The following ERBIN variants were observed in gnomAD, a reference collection of about 807,000 sequenced individuals.
ERBIN encodes the protein erbb2 interacting protein.
In ERBIN, 60 loss-of-function variants were observed where a neutral mutation model predicts 158.4. The observed-to-expected ratio is 0.38, with a 90% CI of 0.31 to 0.47. The LOEUF is 0.47. Ranked by LOEUF, ERBIN falls within the 20% of genes least tolerant of loss-of-function variation. The pLI, the probability that ERBIN is intolerant of heterozygous loss-of-function variation, is 0.99. For missense variants in ERBIN, 1,610 were observed against 1,648.0 expected (o/e 0.98, Z 0.40); for synonymous variants, 594 against 557.2 (o/e 1.07, Z -0.93).
At chr5:66,044,719 C>T (rs9764142) in intron 17 of ERBIN, among the ~76,000 whole-genome samples, 1,801 of 151,616 alleles carry the variant, frequency 0.012, 38 homozygotes, top group African/African-American at 0.042. Context: ...GAGCCGAGAT[C>T]GTACCACTGT....
At chr5:66,063,634 C>T (rs947474553) in intron 21 of ERBIN, among the ~76,000 whole-genome samples, 9 of 152,196 alleles carry the variant, frequency 5.9e-5, no homozygotes, top group African/African-American at 1.7e-4. Context: ...GCGTCGCTCA[C>T]GCTGGGAGCT....
In ERBIN at chr5:66,081,131, ACTGT is replaced by A. The variant is rs1177908578; in HGVS notation, c.*2604_*2607del. Reference sequence around the variant, plus strand: ...TATATAGCAATTCATCAAAACCACAACTGTCTTTTAGTGATTTTGTCTTTAAGAG... The same window carrying A: ...TATATAGCAATTCATCAAAACCACAACTTTTAGTGATTTTGTCTTTAAGAG... On this transcript the variant is annotated 3_prime_UTR_variant, in exon 26 of 26. Transcript: ENST00000284037. The A allele has an allele frequency of 6.6e-6, 1 of 151,868 alleles. No individual in the cohort carries two copies. Among genetic ancestry groups the A allele is most frequent in the East Asian group, 1.9e-4 (1 of 5,198 alleles). 9.4% of individuals were successfully genotyped at this position (151,868 alleles called of 1,614,324 possible). A position where few individuals can be genotyped will look rare whatever the true frequency, so the allele number is the denominator to read the frequency against.
intron 5 of ERBIN, among the ~76,000 whole-genome samples, chr5:66,012,337 A>T (rs759655450): frequency 5.3e-5 from 8 of 152,170 alleles, no homozygotes; most frequent in Non-Finnish European, 1.0e-4. Context: ...AGATAGTGAG[A>T]GTGTTTTGCT....
rs1554058876 is a variant in ERBIN, at chr5:66,018,567, T to TATATATTA, written c.534-2755_534-2754insATATATTA. 5.5e-3 allele frequency among the ~76,000 whole-genome samples: 55 copies of TATATATTA among 9,920 alleles called. 18 individuals carry two copies. The highest frequency in any genetic ancestry group is 0.012 in the Non-Finnish European group (43 of 3,448). The allele number at this position is 9,920 out of a possible 152,430, so 6.5% of individuals were successfully genotyped here. A position where few individuals can be genotyped will look rare whatever the true frequency, so the allele number is the denominator to read the frequency against. ...TATATTATATATTATATAATATATA[T>TATATATTA]TATATTATATAATATATATTATATA... On this transcript the variant is annotated intron_variant, in intron 7 of 25. Coordinates refer to ENST00000284037, the MANE Select transcript of ERBIN (RefSeq NM_001253697.2).
chr5:65,935,063 G>A (rs1283769256), intron 1 of ERBIN, among the ~76,000 whole-genome samples: 1 of 151,998 alleles, frequency 6.6e-6, no homozygotes, highest in Non-Finnish European at 1.5e-5. Context: ...TTAGGGTATT[G>A]TTACTCTCAG....
At chr5:66,014,628 T>G in intron 6 of ERBIN, 41 bp from the exon 7 acceptor site, 1 of 931,666 alleles carries the variant, frequency 1.1e-6, no homozygotes, top group Non-Finnish European at 1.6e-6. Flanking sequence ...TTAAATTCAT[T>G]GTCTTTGTCC....
At chr5:65,951,682 G>C (rs1051624317) in intron 1 of ERBIN, among the ~76,000 whole-genome samples, 1 of 152,170 alleles carries the variant, frequency 6.6e-6, no homozygotes, top group African/African-American at 2.4e-5. Context: ...TTTCAAAATA[G>C]TGGTACTTAA....
At chr5:65,999,470 C>A (rs1295933096) in intron 4 of ERBIN, among the ~76,000 whole-genome samples, 1 of 152,200 alleles carries the variant, frequency 6.6e-6, no homozygotes, top group Non-Finnish European at 1.5e-5. Context: ...CCCCTAAGAA[C>A]AGGGGAATCG....
intron 1 of ERBIN, among the ~76,000 whole-genome samples, chr5:65,979,482 C>T (rs945414498): frequency 6.6e-6 from 1 of 152,132 alleles, no homozygotes; most frequent in Non-Finnish European, 1.5e-5. Flanking sequence ...TATTACCTTA[C>T]AGTGTCTAGA....
At chr5:66,051,529 G>C (rs251710) in intron 20 of ERBIN, among the ~76,000 whole-genome samples, 111,620 of 152,028 alleles carry the variant, frequency 0.73, 42,739 homozygotes, top group Non-Finnish European at 0.86. Flanking sequence ...GAAGAAATTT[G>C]GTTATCAGAG....
chr5:66,032,003 A>G (rs1205413200), intron 14 of ERBIN, among the ~76,000 whole-genome samples: 1 of 152,120 alleles, frequency 6.6e-6, no homozygotes, highest in Non-Finnish European at 1.5e-5. Flanking sequence ...CACCATGACC[A>G]ACTAGACATA....
intron 4 of ERBIN, among the ~76,000 whole-genome samples, chr5:65,997,023 G>T (rs1752511493): frequency 6.6e-6 from 1 of 152,054 alleles, no homozygotes; most frequent in South Asian, 2.1e-4. Flanking sequence ...ATTTTGGTTG[G>T]AGTCTTTAGG....
chr5:66,072,969 A>G (rs549899272), intron 22 of ERBIN, among the ~76,000 whole-genome samples: 1 of 152,222 alleles, frequency 6.6e-6, no homozygotes, highest in East Asian at 1.9e-4. Context: ...TAAGTCATCT[A>G]ATACTTAAGT....
chr5:66,054,412 AATC>A lies in ERBIN; in HGVS notation c.3097_3099del (p.His1033del). On this transcript the variant is annotated inframe_deletion, in exon 21 of 26. Transcript: ENST00000284037. ...ACATTCTGCCAATATGAATTTCTCT[AATC>A]ATAACAATGTTCGAGCTAATACTGC... 1 of 1,614,158 alleles carries A rather than the reference AATC, an allele frequency of 6.2e-7. No homozygotes were observed. Among genetic ancestry groups the A allele is most frequent in the Non-Finnish European group, 8.5e-7 (1 of 1,180,028 alleles).
chr5:66,036,222 C>A (rs1434657898), intron 14 of ERBIN, among the ~76,000 whole-genome samples: 1 of 152,170 alleles, frequency 6.6e-6, no homozygotes, highest in Non-Finnish European at 1.5e-5. Flanking sequence ...TCCAGTGTTG[C>A]TACCAGTTCC....
At position 66,050,370 on chromosome 5, in the gene ERBIN, A is replaced by G. The variant is rs1279297564; in HGVS notation, c.1904-413A>G. Among the ~76,000 whole-genome samples, 7 of 30,508 alleles carry G rather than the reference A, an allele frequency of 2.3e-4. 3 individuals are homozygous for G. Among genetic ancestry groups the G allele is most frequent in the Non-Finnish European group, 3.8e-4 (5 of 13,004 alleles). 20.0% of individuals were successfully genotyped at this position (30,508 alleles called of 152,430 possible). On this transcript the variant is annotated intron_variant, in intron 19 of 25. Coordinates refer to ENST00000284037, the MANE Select transcript of ERBIN (RefSeq NM_001253697.2). ...CGCCATTCTCCTGCCTCAGCCTCCCAAGTAGCTGGGACTACAGGCGCCCGC... is the reference window on the plus strand; with the variant it reads ...CGCCATTCTCCTGCCTCAGCCTCCCGAGTAGCTGGGACTACAGGCGCCCGC...
At chr5:66,051,689 C>T (rs1018023684) in intron 20 of ERBIN, among the ~76,000 whole-genome samples, 14 of 151,684 alleles carry the variant, frequency 9.2e-5, no homozygotes, top group Admixed American at 1.3e-4. Flanking sequence ...CCCAGGAGTT[C>T]GAGACCAGCC....
intron 21 of ERBIN, among the ~76,000 whole-genome samples, chr5:66,061,746 C>A (rs1243365662): frequency 6.6e-6 from 1 of 152,188 alleles, no homozygotes; most frequent in African/African-American, 2.4e-5. Flanking sequence ...CTGGTGGTGA[C>A]AAAATCTCTC....
In ERBIN at chr5:66,053,479, A is replaced by G. The variant is rs1759254892; in HGVS notation, c.2161A>G (p.Lys721Glu). 6.2e-7 allele frequency: 1 copy of G among 1,603,400 alleles called. No homozygotes were observed. The stretch of plus-strand genomic sequence containing the variant: ...AAACAGTTCAACAGAGGAAAAGTTC[A>G]AAGCTCATGATAAAAAAGATTTTAA... ...ILNSSTEEKFKAHDKKDFNLP... is the reference protein window; with the variant it reads ...ILNSSTEEKFEAHDKKDFNLP... The change falls in exon 21 of 26, where the codon AAA becomes GAA. Residue 721 changes from lysine (K) to glutamate (E), a missense_variant. By Grantham distance (56) the Lys-to-Glu change is moderately conservative. Transcript: ENST00000284037.
Sources: gnomAD v4.1 joint callset for allele counts (sites outside exome capture counted in the v4.1 genomes callset) on GRCh38, gnomAD v4.1.1 for gene constraint, MANE v1.5 for transcripts, NCBI Gene and HGNC (gene_info 2026-07-23, HGNC 2026-07-21) for gene names.